Variants in MYO1E observed in about 807,000 individuals in gnomAD.
MYO1E encodes myosin IE.
In MYO1E, 68 loss-of-function variants were observed where a neutral mutation model predicts 151.1. The ratio of observed to expected loss-of-function variants is 0.45; its 90% CI spans 0.37 to 0.55. The LOEUF is 0.55. MYO1E is among the 20% of genes least tolerant of loss of function. The probability of loss-of-function intolerance (pLI) is 0.00; values close to 1 mark genes in which losing one functional copy is unlikely to be tolerated. For synonymous variants in MYO1E, 601 were observed against 501.7 expected, an observed-to-expected ratio of 1.20 and a Z score of -2.64; for missense variants, 1,363 against 1,389.3, an observed-to-expected ratio of 0.98 and a Z score of 0.30.
intron 1 of MYO1E, among the ~76,000 whole-genome samples, chr15:59,276,659 G>C (rs1596396615): frequency 6.6e-6 from 1 of 152,138 alleles, no homozygotes; most frequent in Non-Finnish European, 1.5e-5. Context: ...ATAATAGCCT[G>C]GTTTGTTGCT....
At position 59,308,347 on chromosome 15, in the gene MYO1E, C is replaced by T. The variant is rs528473367; in HGVS notation, c.4-35898G>A. Among the ~76,000 whole-genome samples, 381 of 150,528 alleles carry T rather than the reference C, an allele frequency of 2.5e-3. 1 individual carries two copies. The highest frequency in any genetic ancestry group is 9.0e-3 in the African/African-American group (369 of 40,944). On this transcript the variant is annotated intron_variant, in intron 1 of 27. Coordinates refer to ENST00000288235, the MANE Select transcript of MYO1E (RefSeq NM_004998.4). ...GGTCAGGAGTTCGAGACCAGCATGGCCAACATGGTGAAACCTCATCTCTAC... is the reference window on the plus strand; with the variant it reads ...GGTCAGGAGTTCGAGACCAGCATGGTCAACATGGTGAAACCTCATCTCTAC...
chr15:59,155,062 G>A (rs2079502186), intron 25 of MYO1E, among the ~76,000 whole-genome samples: 1 of 152,158 alleles, frequency 6.6e-6, no homozygotes, highest in African/African-American at 2.4e-5. Context: ...TGGGGATGGG[G>A]AGGGTAGAAG....
intron 1 of MYO1E, among the ~76,000 whole-genome samples, chr15:59,360,589 T>C (rs1247825194): frequency 6.6e-6 from 1 of 152,236 alleles, no homozygotes; most frequent in Admixed American, 6.5e-5. Context: ...AAGCACCCTT[T>C]AGCAGATAGA....
At chr15:59,222,318 G>A (rs1232827792) in intron 9 of MYO1E, among the ~76,000 whole-genome samples, 7 of 152,174 alleles carry the variant, frequency 4.6e-5, no homozygotes, top group Non-Finnish European at 7.4e-5. Flanking sequence ...AAGGATGTGT[G>A]GGTTCTGAGA....
intron 1 of MYO1E, among the ~76,000 whole-genome samples, chr15:59,274,475 C>T (rs989578777): frequency 4.9e-4 from 74 of 152,176 alleles, no homozygotes; most frequent in African/African-American, 1.7e-3. Context: ...TGGGCACCCA[C>T]GGTTACTCTG....
At chr15:59,363,192 T>C (rs2080895291) in intron 1 of MYO1E, among the ~76,000 whole-genome samples, 1 of 152,134 alleles carries the variant, frequency 6.6e-6, no homozygotes. Context: ...TTAGCCAGGA[T>C]GGTCTCGATC....
chr15:59,284,172 G>T (rs545694087), intron 1 of MYO1E, among the ~76,000 whole-genome samples: 2 of 152,314 alleles, frequency 1.3e-5, no homozygotes, highest in East Asian at 3.9e-4. Context: ...TTACTAGCTG[G>T]GTGAATAAAT....
chr15:59,137,526 C>T (rs1233930935), intron 27 of MYO1E, 70 bp from the exon 28 acceptor site: 3 of 1,204,164 alleles, frequency 2.5e-6, no homozygotes, highest in Non-Finnish European at 3.7e-6. Context: ...ACACACTCCG[C>T]TCCCATGGGC....
At chr15:59,227,006 A>T (rs1432411836) in intron 7 of MYO1E, among the ~76,000 whole-genome samples, 1 of 152,134 alleles carries the variant, frequency 6.6e-6, no homozygotes, top group East Asian at 1.9e-4. Flanking sequence ...CGTTCTGGAG[A>T]CGCCTGCCCT....
intron 1 of MYO1E, among the ~76,000 whole-genome samples, chr15:59,281,766 C>G (rs1468662959): frequency 1.3e-5 from 2 of 152,096 alleles, no homozygotes; most frequent in African/African-American, 4.8e-5. Flanking sequence ...GTTTGGTGTG[C>G]TAGTTTTGTT....
chr15:59,210,745 C>A, intron 12 of MYO1E, 145 bp from the exon 13 acceptor site: 1 of 651,578 alleles, frequency 1.5e-6, no homozygotes, highest in South Asian at 1.8e-5. Context: ...TTTTTATTTT[C>A]TAAGAGGTAA....
intron 1 of MYO1E, among the ~76,000 whole-genome samples, chr15:59,338,292 T>TTTC (rs1448591469): frequency 1.3e-5 from 2 of 151,490 alleles, no homozygotes; most frequent in East Asian, 1.9e-4. Flanking sequence ...GACTTTTTTT[T>TTTC]TTTTTTTTTG....
At chr15:59,252,803 T>C (rs1000503226) in intron 4 of MYO1E, among the ~76,000 whole-genome samples, 4 of 151,750 alleles carry the variant, frequency 2.6e-5, no homozygotes, top group African/African-American at 9.7e-5. Context: ...GGAGAATCGC[T>C]TGAACCCAGG....
chr15:59,234,075 C>G (rs181028589), intron 5 of MYO1E, among the ~76,000 whole-genome samples: 99 of 152,264 alleles, frequency 6.5e-4, no homozygotes, highest in Admixed American at 2.4e-3. Flanking sequence ...CTGCACAGAG[C>G]TGCTCTCCAT....
At chr15:59,314,332 T>C (rs1048003820) in intron 1 of MYO1E, among the ~76,000 whole-genome samples, 3 of 152,228 alleles carry the variant, frequency 2.0e-5, no homozygotes, top group Admixed American at 6.5e-5. Flanking sequence ...TTCTGGGAAG[T>C]GAAGATTGTT....
chr15:59,358,027 A>C (rs1027118736), intron 1 of MYO1E, among the ~76,000 whole-genome samples: 2 of 152,176 alleles, frequency 1.3e-5, no homozygotes, highest in South Asian at 4.1e-4. Context: ...TATAAAATTC[A>C]CTTTTGTCAA....
At chr15:59,255,169 C>T (rs552815969) in intron 4 of MYO1E, among the ~76,000 whole-genome samples, 1 of 152,136 alleles carries the variant, frequency 6.6e-6, no homozygotes, top group Admixed American at 6.5e-5. Context: ...GGCTGGAATG[C>T]AATGGCACAA....
chr15:59,236,381 C>T lies in MYO1E; in HGVS notation c.420+204G>A, dbSNP rs1424929876. Among the ~76,000 whole-genome samples the T allele has an allele frequency of 0.025, 2,198 of 87,242 alleles. 125 individuals are homozygous for T. Among genetic ancestry groups the T allele is most frequent in the African/African-American group, 0.084 (2,039 of 24,302 alleles). 57.2% of individuals were successfully genotyped at this position (87,242 alleles called of 152,430 possible). ...AAAAAAAAATATATACACACACACA[C>T]ACACACACACACACACACACACACA... is the stretch of plus-strand genomic sequence containing the variant. On this transcript the variant is annotated intron_variant, in intron 5 of 27. Coordinates refer to ENST00000288235, the MANE Select transcript of MYO1E (RefSeq NM_004998.4).
At chr15:59,253,901 C>CTTTT (rs34819314) in intron 4 of MYO1E, among the ~76,000 whole-genome samples, 37 of 135,822 alleles carry the variant, frequency 2.7e-4, no homozygotes, top group African/African-American at 8.1e-4. Flanking sequence ...GACAAACAAC[C>CTTTT]TTTTTTTTTT....
Sources: gnomAD v4.1 joint callset for allele counts (sites outside exome capture counted in the v4.1 genomes callset) on GRCh38, gnomAD v4.1.1 for gene constraint, MANE v1.5 for transcripts, NCBI Gene and HGNC (gene_info 2026-07-23, HGNC 2026-07-21) for gene names.